RUNX1: variants seen among roughly 807,000 people sequenced by gnomAD.
RUNX1 encodes RUNX family transcription factor 1.
In RUNX1, 19 loss-of-function variants were observed where a neutral mutation model predicts 42.8. The ratio of observed to expected loss-of-function variants is 0.44; its 90% CI spans 0.31 to 0.65. The LOEUF is 0.65. Among genes scored for constraint, RUNX1 ranks in the 30% least tolerant of loss-of-function variants. RUNX1 has a pLI of 0.07. For missense variants in RUNX1, 528 were observed against 672.0 expected, an observed-to-expected ratio of 0.79 and a Z score of 2.37; for synonymous variants, 271 against 289.4, an observed-to-expected ratio of 0.94 and a Z score of 0.64.
intron 2 of RUNX1, among the ~76,000 whole-genome samples, chr21:34,993,669 A>G (rs1321179771): frequency 7.5e-6 from 1 of 133,774 alleles, no homozygotes; most frequent in Non-Finnish European, 1.6e-5. Flanking sequence ...ACACACAGAG[A>G]CACACACACA....
At chr21:35,039,877 C>T (rs1006340089) in intron 2 of RUNX1, among the ~76,000 whole-genome samples, 2 of 152,170 alleles carry the variant, frequency 1.3e-5, no homozygotes, top group Non-Finnish European at 2.9e-5. Flanking sequence ...TCTTTAGAAA[C>T]AGTAGATTCA....
intron 2 of RUNX1, among the ~76,000 whole-genome samples, chr21:34,959,129 A>T (rs994118970): frequency 3.9e-5 from 6 of 151,970 alleles, no homozygotes; most frequent in African/African-American, 1.5e-4. Flanking sequence ...GCAGCACACC[A>T]GCCTGGCACA....
intron 2 of RUNX1, among the ~76,000 whole-genome samples, chr21:35,040,634 T>C (rs182698736): frequency 3.8e-4 from 58 of 151,740 alleles, no homozygotes; most frequent in Middle Eastern, 3.4e-3. Context: ...TAGCCGGGCG[T>C]GGTGGCACAC....
rs185493807 is a variant in RUNX1, at chr21:34,947,428, G to A, written c.59-54465C>T. ...TTAGAATAAAGATGAACACCCACAC[G>A]CACACTCTTACATGAGTGACTGAAC... On this transcript the variant is annotated intron_variant, in intron 2 of 8. Coordinates refer to ENST00000675419, the MANE Select transcript of RUNX1 (RefSeq NM_001754.5). Among the ~76,000 whole-genome samples the A allele has an allele frequency of 1.1e-3, 169 of 152,104 alleles. 1 individual carries two copies. Among genetic ancestry groups the A allele is most frequent in the Admixed American group, 3.2e-3 (49 of 15,288 alleles).
chr21:34,936,652 C>A (rs762429691), intron 2 of RUNX1, among the ~76,000 whole-genome samples: 2 of 152,186 alleles, frequency 1.3e-5, no homozygotes, highest in Non-Finnish European at 2.9e-5. Context: ...AAAGTCTCAG[C>A]ATGGCAAGAA....
At chr21:34,853,815 A>AC (rs2057458603) in intron 6 of RUNX1, among the ~76,000 whole-genome samples, 1 of 139,162 alleles carries the variant, frequency 7.2e-6, no homozygotes, top group African/African-American at 2.7e-5. Context: ...TCCTTCCTTC[A>AC]TTTTTTTTTT....
chr21:34,911,066 T>A (rs1212837323), intron 2 of RUNX1, among the ~76,000 whole-genome samples: 1 of 152,182 alleles, frequency 6.6e-6, no homozygotes, highest in Non-Finnish European at 1.5e-5. Context: ...AAATATCGCA[T>A]AATATTTCAG....
chr21:34,948,651 G>A (rs1228453802), intron 2 of RUNX1, among the ~76,000 whole-genome samples: 1 of 152,182 alleles, frequency 6.6e-6, no homozygotes, highest in Non-Finnish European at 1.5e-5. Context: ...TGACAAGGAT[G>A]GGGCTACCTG....
intron 2 of RUNX1, among the ~76,000 whole-genome samples, chr21:34,988,136 A>G (rs743342): frequency 0.35 from 53,205 of 151,948 alleles, 9,349 homozygotes; most frequent in East Asian, 0.41. Flanking sequence ...TAGGATCCCA[A>G]GACATCCCTA....
rs1456298102 is a variant in RUNX1, at chr21:35,048,870, A to T, written c.30T>A (p.Phe10Leu). The change falls in exon 2 of 9, where the codon TTT becomes TTA. Residue 10 changes from phenylalanine (F) to leucine (L), a missense_variant. Transcript: ENST00000675419. ...TCATGAAGCACTGTGGGTACGAAGG[A>T]AATGACTCAAATATGCTGTCTGAAG... MASDSIFES[F>L]PSYPQCFMRE... 1.2e-6 allele frequency: 2 copies of T among 1,613,884 alleles called. No homozygotes were observed. The highest frequency in any genetic ancestry group is 2.7e-5 in the African/African-American group (2 of 74,906).
At chr21:34,898,091 CT>C (rs1396739287) in intron 2 of RUNX1, among the ~76,000 whole-genome samples, 1 of 152,118 alleles carries the variant, frequency 6.6e-6, no homozygotes, top group Non-Finnish European at 1.5e-5. Flanking sequence ...AGGGTGACCC[CT>C]GATTGACAGC....
chr21:34,967,350 A>AAAAAG (rs2058728290), intron 2 of RUNX1, among the ~76,000 whole-genome samples: 2 of 143,072 alleles, frequency 1.4e-5, no homozygotes, highest in Non-Finnish European at 1.5e-5. Context: ...AAAAAAAAAA[A>AAAAAG]AAGAAGAATA....
At chr21:34,944,294 C>T (rs1260519875) in intron 2 of RUNX1, among the ~76,000 whole-genome samples, 2 of 152,196 alleles carry the variant, frequency 1.3e-5, no homozygotes, top group African/African-American at 4.8e-5. Context: ...AGGCATGAGC[C>T]ACTGTGCCTG....
At chr21:34,876,769 G>GT (rs2057820198) in intron 5 of RUNX1, among the ~76,000 whole-genome samples, 1 of 152,218 alleles carries the variant, frequency 6.6e-6, no homozygotes, top group Non-Finnish European at 1.5e-5. Context: ...TACTAAAGCT[G>GT]TATTTCCTGA....
intron 6 of RUNX1, among the ~76,000 whole-genome samples, chr21:34,853,418 T>C (rs905152345): frequency 2.0e-5 from 3 of 152,124 alleles, no homozygotes; most frequent in African/African-American, 7.2e-5. Context: ...CAATAAAAAA[T>C]ACAGGAATTA....
intron 8 of RUNX1, 147 bp downstream of exon 8, chr21:34,799,154 G>T: frequency 2.4e-6 from 2 of 830,744 alleles, no homozygotes; most frequent in Non-Finnish European, 4.0e-6. Context: ...GAAAATCAGT[G>T]CATGGGCATG....
intron 2 of RUNX1, among the ~76,000 whole-genome samples, chr21:34,903,631 G>A (rs1218306127): frequency 6.6e-6 from 1 of 152,204 alleles, no homozygotes; most frequent in East Asian, 1.9e-4. Flanking sequence ...TGTGAAGGAA[G>A]TGCTGAGATA....
chr21:34,971,323 T>G lies in RUNX1; in HGVS notation c.58+77519A>C, dbSNP rs1455375293. Reference sequence around the variant, plus strand: ...AATTTCTTAACTTCCCTTAATTGATTTCTAAATAATAGATTGATAAGGAGA... The same window carrying G: ...AATTTCTTAACTTCCCTTAATTGATGTCTAAATAATAGATTGATAAGGAGA... On this transcript the variant is annotated intron_variant, in intron 2 of 8. Transcript: ENST00000675419. Among the ~76,000 whole-genome samples the G allele has an allele frequency of 3.3e-5, 5 of 152,284 alleles. No individual in the cohort carries two copies. In the East Asian group the frequency reaches 9.6e-4, roughly 29 times the overall value.
At chr21:35,038,972 C>CT in intron 2 of RUNX1, 1 of 338,214 alleles carries the variant, frequency 3.0e-6, no homozygotes, top group Middle Eastern at 9.4e-4. Context: ...ATGGTGGGTG[C>CT]TTAACCAAGG....
Sources: allele counts gnomAD v4.1 joint callset (sites outside exome capture counted in the v4.1 genomes callset), GRCh38; gene constraint gnomAD v4.1.1; transcripts MANE v1.5; gene names NCBI Gene and HGNC (gene_info 2026-07-23, HGNC 2026-07-21).